CAMK1D: variants seen among roughly 807,000 people sequenced by gnomAD.
CAMK1D encodes calcium/calmodulin dependent protein kinase ID.
In CAMK1D, 9 loss-of-function variants were observed where a neutral mutation model predicts 47.7. The ratio of observed to expected loss-of-function variants is 0.19; its 90% CI spans 0.11 to 0.33. CAMK1D has a LOEUF of 0.33. CAMK1D is among the 10% of genes least tolerant of loss of function. The probability of loss-of-function intolerance (pLI) is 1.00; values close to 1 mark genes in which losing one functional copy is unlikely to be tolerated. For missense variants in CAMK1D, 291 were observed against 488.7 expected (o/e 0.60, Z 3.81); for synonymous variants, 184 against 184.9 (o/e 0.99, Z 0.04).
chr10:12,734,098 C>T (rs763958017), intron 3 of CAMK1D, among the ~76,000 whole-genome samples: 29 of 151,332 alleles, frequency 1.9e-4, no homozygotes, highest in African/African-American at 5.6e-4. Context: ...GAGTCCGAGG[C>T]GCGTGGATCA....
At position 12,546,837 on chromosome 10, in the gene CAMK1D, T is replaced by C. The variant is rs1836391030; in HGVS notation, c.93-6388T>C. Among the ~76,000 whole-genome samples the C allele has an allele frequency of 2.0e-5, 3 of 151,816 alleles. No homozygotes were observed. In the South Asian group the frequency reaches 6.3e-4, roughly 32 times the overall value. ...GGGTGGGGGTGGGGGAGGGATAGCATTAGGAGATATACCTAATGCTAAATG... is the reference window on the plus strand; with the variant it reads ...GGGTGGGGGTGGGGGAGGGATAGCACTAGGAGATATACCTAATGCTAAATG... On this transcript the variant is annotated intron_variant, in intron 1 of 10. Transcript: ENST00000619168.
intron 1 of CAMK1D, among the ~76,000 whole-genome samples, chr10:12,500,484 T>C (rs1834668080): frequency 2.6e-5 from 4 of 152,162 alleles, no homozygotes; most frequent in Admixed American, 2.6e-4. Flanking sequence ...AACCTTTCCC[T>C]GCGGGCATGG....
At position 12,808,981 on chromosome 10, in the gene CAMK1D, G is replaced by A. The variant is rs555868237; in HGVS notation, c.642-5214G>A. Among the ~76,000 whole-genome samples the A allele has an allele frequency of 9.5e-4, 144 of 152,028 alleles. 1 individual carries two copies. Among genetic ancestry groups the A allele is most frequent in the African/African-American group, 3.2e-3 (134 of 41,476 alleles). On this transcript the variant is annotated intron_variant, in intron 6 of 10. Coordinates refer to ENST00000619168, the MANE Select transcript of CAMK1D (RefSeq NM_153498.4). ...AAAATACAAAAATTAGCCAGGTGTGGTGGTGTGCACCTGTAATCCCAGGTG... is the reference window on the plus strand; with the variant it reads ...AAAATACAAAAATTAGCCAGGTGTGATGGTGTGCACCTGTAATCCCAGGTG...
intron 2 of CAMK1D, among the ~76,000 whole-genome samples, chr10:12,633,703 C>T (rs1035724243): frequency 4.6e-5 from 7 of 152,092 alleles, no homozygotes; most frequent in South Asian, 2.1e-4. Context: ...ACCACAGGCA[C>T]GCACCATCAT....
At chr10:12,458,960 C>G (rs1353984000) in intron 1 of CAMK1D, among the ~76,000 whole-genome samples, 1 of 151,170 alleles carries the variant, frequency 6.6e-6, no homozygotes, top group African/African-American at 2.4e-5. Flanking sequence ...CTTACTGCAA[C>G]CTCTGCCTCC....
intron 1 of CAMK1D, among the ~76,000 whole-genome samples, chr10:12,539,766 A>G (rs904364003): frequency 6.6e-6 from 1 of 152,238 alleles, no homozygotes; most frequent in Non-Finnish European, 1.5e-5. Context: ...TGGGGGTTGC[A>G]GTTTCATCCA....
chr10:12,828,669 C>CG, intron 10 of CAMK1D, 100 bp from the exon 11 acceptor site: 2 of 883,438 alleles, frequency 2.3e-6, no homozygotes, highest in Non-Finnish European at 3.5e-6. Flanking sequence ...GGCCCCCCCG[C>CG]CCCCCACCAT....
chr10:12,532,139 T>A, intron 1 of CAMK1D, among the ~76,000 whole-genome samples: 1 of 152,344 alleles, frequency 6.6e-6, no homozygotes, highest in East Asian at 1.9e-4. Context: ...CTTATTTTTT[T>A]ATTTGTAATT....
At chr10:12,791,023 C>T (rs1374081872) in intron 5 of CAMK1D, 135 bp from the exon 6 acceptor site, 1 of 694,808 alleles carries the variant, frequency 1.4e-6, no homozygotes, top group Non-Finnish European at 2.5e-6. Context: ...AAAGCCAACA[C>T]ATAAAATGGG....
At chr10:12,615,721 TGA>T (rs368608117) in intron 2 of CAMK1D, among the ~76,000 whole-genome samples, 6 of 151,118 alleles carry the variant, frequency 4.0e-5, no homozygotes, top group South Asian at 4.2e-4. Flanking sequence ...TGTGTAGGTG[TGA>T]GTGTGCATGT....
intron 3 of CAMK1D, among the ~76,000 whole-genome samples, chr10:12,724,500 A>G (rs1232521578): frequency 1.3e-5 from 2 of 152,198 alleles, no homozygotes; most frequent in African/African-American, 4.8e-5. Context: ...TACTACACCC[A>G]TCACTCTGCA....
chr10:12,359,505 C>A (rs1047901792), intron 1 of CAMK1D, among the ~76,000 whole-genome samples: 1 of 151,496 alleles, frequency 6.6e-6, no homozygotes, highest in Non-Finnish European at 1.5e-5. Context: ...GCTCAGCCCT[C>A]CCCCTGGGTA....
intron 1 of CAMK1D, among the ~76,000 whole-genome samples, chr10:12,499,260 A>G (rs945109403): frequency 6.6e-6 from 1 of 152,114 alleles, no homozygotes; most frequent in Non-Finnish European, 1.5e-5. Context: ...TGATGAGGTC[A>G]CTTAGTAACC....
At chr10:12,806,292 A>G (rs1334432136) in intron 6 of CAMK1D, among the ~76,000 whole-genome samples, 1 of 152,216 alleles carries the variant, frequency 6.6e-6, no homozygotes, top group African/African-American at 2.4e-5. Flanking sequence ...AGGGACTCAG[A>G]CCGTCTGTTC....
chr10:12,677,182 C>T (rs181968516), intron 3 of CAMK1D, among the ~76,000 whole-genome samples: 4 of 152,068 alleles, frequency 2.6e-5, no homozygotes, highest in South Asian at 2.1e-4. Context: ...TGTTAGCTGT[C>T]GTGTGGATAT....
At chr10:12,502,589 A>G (rs1304614438) in intron 1 of CAMK1D, among the ~76,000 whole-genome samples, 4 of 152,112 alleles carry the variant, frequency 2.6e-5, no homozygotes, top group Non-Finnish European at 4.4e-5. Context: ...TGTCACACAC[A>G]CTTCACCTGC....
At chr10:12,600,247 T>G (rs1053376053) in intron 2 of CAMK1D, among the ~76,000 whole-genome samples, 1 of 152,346 alleles carries the variant, frequency 6.6e-6, no homozygotes, top group Middle Eastern at 3.4e-3. Flanking sequence ...GCTTCTTACA[T>G]GGGAAGCTGG....
chr10:12,611,678 C>T (rs1017215643), intron 2 of CAMK1D, among the ~76,000 whole-genome samples: 4 of 146,532 alleles, frequency 2.7e-5, no homozygotes, highest in Non-Finnish European at 6.0e-5. Context: ...TGCAACCTCC[C>T]CCTCCCGGGT....
chr10:12,524,823 C>T (rs1352050261), intron 1 of CAMK1D, among the ~76,000 whole-genome samples: 1 of 152,228 alleles, frequency 6.6e-6, no homozygotes, highest in African/African-American at 2.4e-5. Context: ...CTTTAGCTCT[C>T]TCTTTATTCT....
Sources: allele counts gnomAD v4.1 joint callset (sites outside exome capture counted in the v4.1 genomes callset), GRCh38; gene constraint gnomAD v4.1.1; transcripts MANE v1.5; gene names NCBI Gene and HGNC (gene_info 2026-07-23, HGNC 2026-07-21).